Variants in MED13L observed in about 807,000 individuals in gnomAD.
The protein encoded by MED13L is mediator complex subunit 13L.
In MED13L, 7 loss-of-function variants were observed where a neutral mutation model predicts 220.9. That is an observed-to-expected ratio of 0.03 (90% CI 0.02 to 0.06). The LOEUF (loss-of-function observed/expected upper bound fraction) is 0.06, where lower values mean the gene tolerates loss of function less well. MED13L is among the 10% of genes least tolerant of loss of function. The probability of loss-of-function intolerance (pLI) is 1.00; values close to 1 mark genes in which losing one functional copy is unlikely to be tolerated. For synonymous variants in MED13L, 1,011 were observed against 1,015.2 expected, an observed-to-expected ratio of 1.00 and a Z score of 0.08; for missense variants, 1,965 against 2,760.5, an observed-to-expected ratio of 0.71 and a Z score of 6.46.
intron 2 of MED13L, among the ~76,000 whole-genome samples, chr12:116,216,645 G>C (rs980553895): frequency 6.6e-6 from 1 of 152,074 alleles, no homozygotes; most frequent in African/African-American, 2.4e-5. Flanking sequence ...TGACTGCTGG[G>C]GGAAAACTGT....
At chr12:115,968,357 C>T (rs980876216) in intron 28 of MED13L, among the ~76,000 whole-genome samples, 9 of 152,150 alleles carry the variant, frequency 5.9e-5, no homozygotes, top group Non-Finnish European at 1.3e-4. Context: ...CAGTTGTAAG[C>T]TCTGGTTTTT....
rs1874725677 is a variant in MED13L at position 116,118,527 on chromosome 12, C to G, written c.311-7015G>C. 2.6e-5 allele frequency among the ~76,000 whole-genome samples: 4 copies of G among 152,220 alleles called. No individual in the cohort carries two copies. The South Asian group carries it at 8.3e-4, about 32-fold the overall frequency. On this transcript the variant is annotated intron_variant, in intron 2 of 30. Coordinates refer to ENST00000281928, the MANE Select transcript of MED13L (RefSeq NM_015335.5). ...CTCTAATAAATACTATCAATTTAGG[C>G]TATGAAATTAAGGATAATGCATTAA...
chr12:116,140,508 T>C (rs974976608), intron 2 of MED13L, among the ~76,000 whole-genome samples: 5 of 152,212 alleles, frequency 3.3e-5, no homozygotes, highest in African/African-American at 4.8e-5. Context: ...CACACATATA[T>C]AGATACAAAC....
chr12:116,006,067 T>A lies in MED13L; in HGVS notation c.2345-74A>T, dbSNP rs1879027420. 8 of 1,585,028 alleles carry A rather than the reference T, an allele frequency of 5.0e-6. No individual in the cohort carries two copies. In the South Asian group the frequency reaches 8.9e-5, roughly 18 times the overall value. On this transcript the variant is annotated intron_variant, in intron 12 of 30. Transcript: ENST00000281928. The stretch of plus-strand genomic sequence containing the variant: ...CAAAGGAGTAGGGAGAGGACACGGA[T>A]CTCAATGAACATGACCTGCCTGTGA...
intron 4 of MED13L, among the ~76,000 whole-genome samples, chr12:116,031,977 C>CA (rs1566021240): frequency 4.0e-5 from 6 of 151,532 alleles, no homozygotes. Context: ...TGTACTCCTA[C>CA]AAAAAACTTA....
intron 2 of MED13L, among the ~76,000 whole-genome samples, chr12:116,129,558 C>T (rs968328141): frequency 5.3e-5 from 8 of 152,084 alleles, no homozygotes; most frequent in African/African-American, 1.2e-4. Context: ...CCAAACCAGA[C>T]ATTACGCCTT....
intron 2 of MED13L, among the ~76,000 whole-genome samples, chr12:116,205,656 A>C (rs1429122746): frequency 6.6e-6 from 1 of 152,072 alleles, no homozygotes; most frequent in Non-Finnish European, 1.5e-5. Context: ...AATGGGTTAC[A>C]AACAGAATGA....
At chr12:116,109,060 CTTTTTTT>C (rs751600660) in intron 3 of MED13L, among the ~76,000 whole-genome samples, 10 of 97,108 alleles carry the variant, frequency 1.0e-4, no homozygotes, top group South Asian at 6.8e-4. Flanking sequence ...AATTAATTTC[CTTTTTTT>C]TTTTTTTTTT....
rs60501771 is a variant in MED13L at position 116,179,204 on chromosome 12, C to CGTGTGTGT, written c.310+58256_310+58263dup. ...AAATAATTTAAAATTTGACGATTTA[C>CGTGTGTGT]GTGTGTGTGTGTGTGTGTGTGTGTG... On this transcript the variant is annotated intron_variant, in intron 2 of 30. Coordinates refer to ENST00000281928, the MANE Select transcript of MED13L (RefSeq NM_015335.5). Among the ~76,000 whole-genome samples, 796 of 148,188 alleles carry CGTGTGTGT rather than the reference C, an allele frequency of 5.4e-3. 4 individuals carry two copies. The highest frequency in any genetic ancestry group is 8.3e-3 in the Non-Finnish European group (555 of 66,872).
intron 2 of MED13L, among the ~76,000 whole-genome samples, chr12:116,116,421 C>T (rs1184784626): frequency 6.6e-6 from 1 of 152,080 alleles, no homozygotes; most frequent in African/African-American, 2.4e-5. Flanking sequence ...TGGAGGGTGG[C>T]GCACTCAGAG....
Position 116,009,112 on chromosome 12 carries a change from C to T in MED13L, c.1301G>A (p.Cys434Tyr). 6.2e-7 allele frequency: 1 copy of T among 1,613,954 alleles called. No individual in the cohort carries two copies. Among genetic ancestry groups the T allele is most frequent in the East Asian group, 2.2e-5 (1 of 44,850 alleles). ...GGGAGGTCGATTGGGCCCGACTGCA[C>T]AACGTTTTAAAAGCTTATGCCTAAA... is the stretch of plus-strand genomic sequence containing the variant. ...SCSRHKLLKR[C>Y]AVGPNRPPTV... Residue 434 changes from cysteine to tyrosine, a missense_variant, in exon 10 of 31, where the codon TGT becomes TAT. Physicochemically the swap from Cys to Tyr is radical, Grantham distance 194. Around this residue, in one of 10 missense-constraint regions of MED13L, gnomAD observed 818 missense variants for 1,041.2 expected, o/e 0.79. Transcript: ENST00000281928.
At chr12:116,136,780 C>T (rs1336399796) in intron 2 of MED13L, among the ~76,000 whole-genome samples, 1 of 152,034 alleles carries the variant, frequency 6.6e-6, no homozygotes. Context: ...CATATAGTAG[C>T]TAGAAGCATA....
At chr12:116,080,021 G>T (rs994416380) in intron 4 of MED13L, among the ~76,000 whole-genome samples, 10 of 139,332 alleles carry the variant, frequency 7.2e-5, no homozygotes, top group Non-Finnish European at 1.3e-4. Flanking sequence ...AACATTTGAG[G>T]TTTTTTTTTT....
At chr12:116,059,702 G>T (rs1230238977) in intron 4 of MED13L, among the ~76,000 whole-genome samples, 1 of 152,036 alleles carries the variant, frequency 6.6e-6, no homozygotes, top group Non-Finnish European at 1.5e-5. Context: ...ACAGGTGTGA[G>T]CCACCACACC....
chr12:116,047,228 C>A (rs1488342439), intron 4 of MED13L, among the ~76,000 whole-genome samples: 1 of 152,066 alleles, frequency 6.6e-6, no homozygotes, highest in Non-Finnish European at 1.5e-5. Flanking sequence ...GTAGCGCATG[C>A]TAGTAACCCT....
At chr12:116,268,114 T>TA (rs1300209283) in intron 1 of MED13L, among the ~76,000 whole-genome samples, 2 of 152,152 alleles carry the variant, frequency 1.3e-5, no homozygotes, top group African/African-American at 4.8e-5. Flanking sequence ...AATGAGCACC[T>TA]AGCAAAGATG....
At chr12:115,968,096 C>CT (rs1876327278) in intron 28 of MED13L, among the ~76,000 whole-genome samples, 1 of 120,020 alleles carries the variant, frequency 8.3e-6, no homozygotes, top group African/African-American at 3.2e-5. Context: ...TTATGTCCAT[C>CT]TTTGTGTCTA....
Position 116,031,759 on chromosome 12 carries a change from A to AGAAAGAAG in MED13L, c.480-9159_480-9158insCTTCTTTC, listed in dbSNP as rs1592967502. ...AGAAAAGAAAAGAAAAGAAAAGAAAAGAAGGAAGGAAGGAAGGAAGGAAGG... is the reference window on the plus strand; with the variant it reads ...AGAAAAGAAAAGAAAAGAAAAGAAAAGAAAGAAGGAAGGAAGGAAGGAAGGAAGGAAGG... On this transcript the variant is annotated intron_variant, in intron 4 of 30. Coordinates refer to ENST00000281928, the MANE Select transcript of MED13L (RefSeq NM_015335.5). Among the ~76,000 whole-genome samples the AGAAAGAAG allele has an allele frequency of 4.3e-3, 175 of 40,986 alleles. 11 individuals are homozygous for AGAAAGAAG. Among genetic ancestry groups the AGAAAGAAG allele is most frequent in the African/African-American group, 5.5e-3 (50 of 9,118 alleles). 26.9% of individuals were successfully genotyped at this position (40,986 alleles called of 152,430 possible).
chr12:116,036,785 C>T (rs1881221368), intron 4 of MED13L, among the ~76,000 whole-genome samples: 1 of 152,142 alleles, frequency 6.6e-6, no homozygotes, highest in African/African-American at 2.4e-5. Flanking sequence ...TTTACTTTGG[C>T]ACCACTCACA....
Sources: gnomAD v4.1 joint callset for allele counts (sites outside exome capture counted in the v4.1 genomes callset) on GRCh38, gnomAD v4.1.1 for gene constraint, gnomAD v4.1.1 regional missense constraint, MANE v1.5 for transcripts, NCBI Gene and HGNC (gene_info 2026-07-23, HGNC 2026-07-21) for gene names.